Variants in SCO1 observed in about 807,000 individuals in gnomAD.
The protein encoded by SCO1 is cytochrome c oxidase assembly factor SCO1.
In SCO1, 23 loss-of-function variants were observed where a neutral mutation model predicts 34.0. The observed-to-expected ratio is 0.68, with a 90% CI of 0.49 to 0.96. SCO1 has a LOEUF of 0.96. Among genes scored for constraint, SCO1 ranks in the 40% least tolerant of loss-of-function variants. The probability of loss-of-function intolerance (pLI) is 0.00; values close to 1 mark genes in which losing one functional copy is unlikely to be tolerated. For synonymous variants in SCO1, 161 were observed against 145.5 expected (o/e 1.11, Z -0.77); for missense variants, 404 against 381.6 (o/e 1.06, Z -0.49).
rs528992033 is a variant in SCO1 at position 10,677,657 on chromosome 17, A to G, written c.*3462T>C. On this transcript the variant is annotated 3_prime_UTR_variant, in exon 6 of 6. Transcript: ENST00000255390. The stretch of plus-strand genomic sequence containing the variant: ...TTACACTTAAGATATCAGCTGCTTC[A>G]TGAACAGCCAGACACATGAATACAT... The G allele has an allele frequency of 1.3e-5, 2 of 152,354 alleles. No individual in the cohort carries two copies. The highest frequency in any genetic ancestry group is 4.8e-5 in the African/African-American group (2 of 41,582). 9.4% of individuals were successfully genotyped at this position (152,354 alleles called of 1,614,324 possible). A position where few individuals can be genotyped will look rare whatever the true frequency, so the allele number is the denominator to read the frequency against.
chr17:10,685,988 G>C lies in SCO1; in HGVS notation c.771+739C>G, dbSNP rs897653887. On this transcript the variant is annotated intron_variant, in intron 5 of 5. Coordinates refer to ENST00000255390, the MANE Select transcript of SCO1 (RefSeq NM_004589.4). ...CAGGCCTGTAATCCCAGCACTTTGG[G>C]AGGCTGAGGTGGGCAGGGCAGACCA... Among the ~76,000 whole-genome samples, 13 of 152,346 alleles carry C rather than the reference G, an allele frequency of 8.5e-5. No homozygotes were observed. The East Asian group carries it at 2.5e-3, about 29-fold the overall frequency.
In SCO1 at chr17:10,688,859, G is replaced by A. The variant is rs2074672815; in HGVS notation, c.656-2017C>T. Among the ~76,000 whole-genome samples the A allele has an allele frequency of 2.0e-5, 3 of 151,068 alleles. No homozygotes were observed. In the South Asian group the frequency reaches 6.2e-4, roughly 31 times the overall value. ...AGGCCGGGCGCGGTGGCTCACGCCT[G>A]TAATCCCAGCACTTTGGGAGGCCGA... On this transcript the variant is annotated intron_variant, in intron 4 of 5. Coordinates refer to ENST00000255390, the MANE Select transcript of SCO1 (RefSeq NM_004589.4).
Position 10,697,465 on chromosome 17 carries a change from G to A in SCO1, c.43C>T (p.Leu15=), listed in dbSNP as rs537557138. ...VLVPGRVMRP[L]GGQLWRFLPR... ...AAGAAGCGCCAAAGTTGGCCACCCA[G>A]AGGCCGCATAACTCGTCCGGGTACT... The change falls in exon 1 of 6, where the codon CTG becomes TTG. Residue 15 remains leucine (L), a synonymous_variant. Coordinates refer to ENST00000255390, the MANE Select transcript of SCO1 (RefSeq NM_004589.4). 29 of 1,613,438 alleles carry A rather than the reference G, an allele frequency of 1.8e-5. No individual in the cohort carries two copies. The Admixed American group carries it at 3.8e-4, about 21-fold the overall frequency.
chr17:10,687,877 G>C (rs2074666339), intron 4 of SCO1, among the ~76,000 whole-genome samples: 1 of 152,162 alleles, frequency 6.6e-6, no homozygotes, highest in South Asian at 2.1e-4. Context: ...GGTTTGGTTA[G>C]TAATATGTGA....
In SCO1 at chr17:10,677,573, T is replaced by C. The variant is rs2151449449; in HGVS notation, c.*3546A>G. On this transcript the variant is annotated 3_prime_UTR_variant, in exon 6 of 6. Transcript: ENST00000255390. ...GGATCTTATGCAGACGCATTTACAA[T>C]TTAAAATCATTAGCCTCCCAACTCG... is the stretch of plus-strand genomic sequence containing the variant. The C allele has an allele frequency of 6.6e-6, 1 of 152,304 alleles. No homozygotes were observed. The highest frequency in any genetic ancestry group is 1.9e-4 in the East Asian group (1 of 5,188). The allele number at this position is 152,304 out of a possible 1,614,324, so 9.4% of individuals were successfully genotyped here.
intron 4 of SCO1, among the ~76,000 whole-genome samples, chr17:10,687,905 CAT>C (rs528664358): frequency 5.5e-4 from 83 of 152,238 alleles, no homozygotes; most frequent in Admixed American, 1.4e-3. Context: ...CAATATAACA[CAT>C]GTTTAAATTG....
rs981402800 is a variant in SCO1, at chr17:10,672,841, T to C, written c.*8278A>G. 1 of 152,216 alleles carries C rather than the reference T, an allele frequency of 6.6e-6. No homozygotes were observed. Among genetic ancestry groups the C allele is most frequent in the Non-Finnish European group, 1.5e-5 (1 of 68,028 alleles). The allele number at this position is 152,216 out of a possible 1,614,324, so 9.4% of individuals were successfully genotyped here. A position where few individuals can be genotyped will look rare whatever the true frequency, so the allele number is the denominator to read the frequency against. On this transcript the variant is annotated 3_prime_UTR_variant, in exon 6 of 6. Coordinates refer to ENST00000255390, the MANE Select transcript of SCO1 (RefSeq NM_004589.4). ...ATTTATTATAGATTCTGTGTGGTTA[T>C]TGTGAATTTAGTAATTTTTAAATAC... is the stretch of plus-strand genomic sequence containing the variant.
chr17:10,685,654 C>G (rs1277659257), intron 5 of SCO1, among the ~76,000 whole-genome samples: 3 of 152,198 alleles, frequency 2.0e-5, no homozygotes, highest in Admixed American at 1.3e-4. Context: ...TCATCTTTTG[C>G]TTTTCAGAAT....
At position 10,681,266 on chromosome 17, in the gene SCO1, G is replaced by A. The variant is rs1013732143; in HGVS notation, c.772-13C>T. 13 of 1,613,398 alleles carry A rather than the reference G, an allele frequency of 8.1e-6. No individual in the cohort carries two copies. Among genetic ancestry groups the A allele is most frequent in the Non-Finnish European group, 1.1e-5 (13 of 1,179,704 alleles). ...TTGTGTGATCCACCTGCAGAGAAAA[G>A]GGGGGAGAGTGTGACAAAGATTACC... On this transcript the variant is annotated splice_polypyrimidine_tract_variant and intron_variant, in intron 5 of 5. Coordinates refer to ENST00000255390, the MANE Select transcript of SCO1 (RefSeq NM_004589.4).
Position 10,680,861 on chromosome 17 carries a change from C to T in SCO1, c.*258G>A. 1.9e-6 allele frequency: 1 copy of T among 524,330 alleles called. No individual in the cohort carries two copies. Among genetic ancestry groups the T allele is most frequent in the East Asian group, 3.5e-5 (1 of 28,424 alleles). The allele number at this position is 524,330 out of a possible 1,614,324, so 32.5% of individuals were successfully genotyped here. ...CATGTCCTTCCACAGGTGGGCTCTT[C>T]ACTGGCTTCACTTCAGCTTGATCCT... is the stretch of plus-strand genomic sequence containing the variant. On this transcript the variant is annotated 3_prime_UTR_variant, in exon 6 of 6. Coordinates refer to ENST00000255390, the MANE Select transcript of SCO1 (RefSeq NM_004589.4).
chr17:10,694,439 AAAAC>A (rs2074709790), intron 2 of SCO1, among the ~76,000 whole-genome samples: 1 of 151,006 alleles, frequency 6.6e-6, no homozygotes, highest in African/African-American at 2.5e-5. Context: ...TCTGTCTCAA[AAAAC>A]AAACAAATAA....
intron 1 of SCO1, 93 bp downstream of exon 1, chr17:10,697,139 CGGA>C: frequency 8.5e-7 from 1 of 1,182,164 alleles, no homozygotes; most frequent in Non-Finnish European, 1.2e-6. Context: ...TTAGGGGAGG[CGGA>C]GTAGTGTCTG....
At position 10,692,763 on chromosome 17, in the gene SCO1, C is replaced by A; in HGVS notation, c.562+1G>T. ...TGTTTAGTTAGTGATGGCTTTCTTACCTATTTCATCCACGACTTGAATCAT... is the reference window on the plus strand; with the variant it reads ...TGTTTAGTTAGTGATGGCTTTCTTAACTATTTCATCCACGACTTGAATCAT... On this transcript the variant is annotated splice_donor_variant, in intron 3 of 5. Coordinates refer to ENST00000255390, the MANE Select transcript of SCO1 (RefSeq NM_004589.4). LOFTEE classifies it high-confidence loss of function. 1 of 1,613,042 alleles carries A rather than the reference C, an allele frequency of 6.2e-7. No individual in the cohort carries two copies. The highest frequency in any genetic ancestry group is 8.5e-7 in the Non-Finnish European group (1 of 1,179,062).
rs1440574421 is a variant in SCO1, at chr17:10,675,888, C to A, written c.*5231G>T. ...GGTTGTGTCTTCCTTGAACTGGGTG[C>A]AAACATGGACAAAGTCACATGTATG... On this transcript the variant is annotated 3_prime_UTR_variant, in exon 6 of 6. Transcript: ENST00000255390. 6.6e-6 allele frequency: 1 copy of A among 152,100 alleles called. No homozygotes were observed. Among genetic ancestry groups the A allele is most frequent in the East Asian group, 1.9e-4 (1 of 5,198 alleles). The allele number at this position is 152,100 out of a possible 1,614,324, so 9.4% of individuals were successfully genotyped here. A position where few individuals can be genotyped will look rare whatever the true frequency, so the allele number is the denominator to read the frequency against.
At chr17:10,685,621 T>C (rs894777547) in intron 5 of SCO1, among the ~76,000 whole-genome samples, 1 of 152,244 alleles carries the variant, frequency 6.6e-6, no homozygotes, top group African/African-American at 2.4e-5. Context: ...CCAAGGCATA[T>C]AGTCAATGGG....
At chr17:10,688,116 T>C (rs550604241) in intron 4 of SCO1, among the ~76,000 whole-genome samples, 1 of 152,210 alleles carries the variant, frequency 6.6e-6, no homozygotes, top group Middle Eastern at 3.2e-3. Context: ...ATTTCTTATA[T>C]ACCAAACCAA....
chr17:10,689,482 T>C (rs912059912), intron 4 of SCO1, among the ~76,000 whole-genome samples: 4 of 152,218 alleles, frequency 2.6e-5, no homozygotes, highest in Admixed American at 1.3e-4. Flanking sequence ...GTTACCATAA[T>C]TAAAATTCAG....
chr17:10,689,213 T>C (rs1384179515), intron 4 of SCO1, among the ~76,000 whole-genome samples: 1 of 151,228 alleles, frequency 6.6e-6, no homozygotes, highest in Non-Finnish European at 1.5e-5. Flanking sequence ...CTTTTCAGGG[T>C]AACAGGTATG....
rs1015333930 is a variant in SCO1, at chr17:10,686,645, AAGCTAGTC to A, written c.771+74_771+81del. The A allele has an allele frequency of 6.8e-6, 6 of 883,016 alleles. No individual in the cohort carries two copies. In the African/African-American group the frequency reaches 9.8e-5, roughly 14 times the overall value. 54.7% of individuals were successfully genotyped at this position (883,016 alleles called of 1,614,324 possible). On this transcript the variant is annotated intron_variant, in intron 5 of 5. Transcript: ENST00000255390. The stretch of plus-strand genomic sequence containing the variant: ...AATCTTAGGTATTCTCTCTTCTCAG[AAGCTAGTC>A]AGTCATTGAAAGCCTTATGACTATT...
Sources: allele counts gnomAD v4.1 joint callset (sites outside exome capture counted in the v4.1 genomes callset), GRCh38; gene constraint gnomAD v4.1.1; transcripts MANE v1.5; gene names NCBI Gene and HGNC (gene_info 2026-07-23, HGNC 2026-07-21).